Variants in GAS7 observed in about 807,000 individuals in gnomAD.
GAS7 encodes growth arrest specific 7, also known as growth arrest-specific protein 7.
In GAS7, 28 loss-of-function variants were observed where a neutral mutation model predicts 71.1. The observed-to-expected ratio is 0.39, with a 90% CI of 0.29 to 0.54. The LOEUF (loss-of-function observed/expected upper bound fraction) is 0.54, where lower values mean the gene tolerates loss of function less well. Ranked by LOEUF, GAS7 falls within the 20% of genes least tolerant of loss-of-function variation. The probability of loss-of-function intolerance (pLI) is 0.62; values close to 1 mark genes in which losing one functional copy is unlikely to be tolerated. For missense variants in GAS7, 436 were observed against 627.8 expected, an observed-to-expected ratio of 0.69 and a Z score of 3.27; for synonymous variants, 258 against 245.8, an observed-to-expected ratio of 1.05 and a Z score of -0.46.
intron 1 of GAS7, among the ~76,000 whole-genome samples, chr17:10,049,624 T>C (rs1042691041): frequency 3.5e-4 from 46 of 130,216 alleles, no homozygotes; most frequent in Non-Finnish European, 6.6e-4. Context: ...TTTTTTTTTT[T>C]TTTTTTTTTT....
Position 10,046,064 on chromosome 17 carries a change from C to T in GAS7, c.184-26167G>A, listed in dbSNP as rs893243587. 3.9e-5 allele frequency among the ~76,000 whole-genome samples: 6 copies of T among 152,312 alleles called. No individual in the cohort carries two copies. The East Asian group carries it at 1.2e-3, about 29-fold the overall frequency. The stretch of plus-strand genomic sequence containing the variant: ...GATCCTTAGTTGGAAACTCAGCACA[C>T]TTTGAGAAACACTGTCTCTGGCTAC... On this transcript the variant is annotated intron_variant, in intron 1 of 13. Coordinates refer to ENST00000432992, the MANE Select transcript of GAS7 (RefSeq NM_201433.2).
intron 2 of GAS7, among the ~76,000 whole-genome samples, chr17:9,982,542 C>CT (rs1283637532): frequency 6.6e-6 from 1 of 152,076 alleles, no homozygotes; most frequent in African/African-American, 2.4e-5. Context: ...TTTGGGAGGC[C>CT]TAGGTGGGCA....
At chr17:9,989,648 A>G (rs1290568128) in intron 2 of GAS7, among the ~76,000 whole-genome samples, 1 of 152,232 alleles carries the variant, frequency 6.6e-6, no homozygotes, top group Non-Finnish European at 1.5e-5. Context: ...ACTAAGGAGA[A>G]TAAAGCAAGG....
At chr17:9,987,295 C>T (rs1266178630) in intron 2 of GAS7, among the ~76,000 whole-genome samples, 5 of 152,230 alleles carry the variant, frequency 3.3e-5, no homozygotes, top group Non-Finnish European at 7.3e-5. Context: ...CCCACCCCAC[C>T]TAATTCACAC....
intron 5 of GAS7, among the ~76,000 whole-genome samples, chr17:9,949,514 G>A (rs1022571824): frequency 5.9e-5 from 9 of 152,072 alleles, no homozygotes; most frequent in Non-Finnish European, 1.3e-4. Flanking sequence ...TAAATCTAGC[G>A]CACACCCCCT....
intron 5 of GAS7, among the ~76,000 whole-genome samples, chr17:9,958,441 G>A (rs370496615): frequency 1.3e-5 from 2 of 152,362 alleles, no homozygotes; most frequent in African/African-American, 4.8e-5. Context: ...CCACAGGGGT[G>A]GTCGGAATGG....
At chr17:9,997,491 C>A (rs1420117129) in intron 2 of GAS7, among the ~76,000 whole-genome samples, 1 of 152,222 alleles carries the variant, frequency 6.6e-6, no homozygotes, top group African/African-American at 2.4e-5. Flanking sequence ...CTACTCTCTA[C>A]CCAACATCAC....
intron 1 of GAS7, among the ~76,000 whole-genome samples, chr17:10,060,373 A>C (rs1396116103): frequency 6.6e-6 from 1 of 152,168 alleles, no homozygotes; most frequent in Non-Finnish European, 1.5e-5. Flanking sequence ...CTTCAACCTC[A>C]TGACTCCGGG....
intron 1 of GAS7, among the ~76,000 whole-genome samples, chr17:10,170,516 T>C (rs969787996): frequency 1.3e-5 from 2 of 152,214 alleles, no homozygotes; most frequent in Admixed American, 1.3e-4. Context: ...GCTTACTCCA[T>C]CGTATCTTCC....
intron 2 of GAS7, among the ~76,000 whole-genome samples, chr17:9,989,081 C>CT (rs773303943): frequency 1.2e-4 from 19 of 152,228 alleles, no homozygotes; most frequent in Non-Finnish European, 2.2e-4. Context: ...GATCTCCTGA[C>CT]CTCATGATCC....
intron 4 of GAS7, among the ~76,000 whole-genome samples, chr17:9,965,068 A>C (rs2069650902): frequency 1.3e-5 from 2 of 152,222 alleles, no homozygotes; most frequent in Non-Finnish European, 1.5e-5. Flanking sequence ...ACTGGTGGGC[A>C]GGAAGGGAAG....
In GAS7 at chr17:9,974,215, G is replaced by A. The variant is rs1334037568; in HGVS notation, c.386-4453C>T. On this transcript the variant is annotated intron_variant, in intron 3 of 13. Coordinates refer to ENST00000432992, the MANE Select transcript of GAS7 (RefSeq NM_201433.2). This position sits in a 1 kb window ranked among gnomAD's most constrained non-coding sequence, Gnocchi z 4.0. ...CCATTCGACCCTTTCTCCCCACGTA[G>A]CAGCTCTCCTCGGACACCCTGTCTG... is the stretch of plus-strand genomic sequence containing the variant. Among the ~76,000 whole-genome samples, 1 of 152,170 alleles carries A rather than the reference G, an allele frequency of 6.6e-6. No homozygotes were observed. The highest frequency in any genetic ancestry group is 1.5e-5 in the Non-Finnish European group (1 of 68,026).
At chr17:9,917,421 C>T (rs1226860389) in intron 13 of GAS7, 80 bp from the exon 14 acceptor site, 16 of 1,040,908 alleles carry the variant, frequency 1.5e-5, no homozygotes, top group East Asian at 2.4e-5. Context: ...ATGCTGTCCT[C>T]ACCTTAGTGT....
intron 1 of GAS7, among the ~76,000 whole-genome samples, chr17:10,140,471 A>G (rs1567607637): frequency 6.6e-6 from 1 of 152,218 alleles, no homozygotes; most frequent in East Asian, 1.9e-4. Flanking sequence ...AAATAAGTCA[A>G]TAAATAAAAA....
intron 1 of GAS7, among the ~76,000 whole-genome samples, chr17:10,141,484 C>A (rs138805544): frequency 6.6e-6 from 1 of 152,166 alleles, no homozygotes; most frequent in Non-Finnish European, 1.5e-5. Flanking sequence ...GCCTGAGCAC[C>A]CCTGAAGAGA....
chr17:9,958,492 C>T (rs778356360), intron 5 of GAS7, among the ~76,000 whole-genome samples: 4 of 152,224 alleles, frequency 2.6e-5, no homozygotes, highest in African/African-American at 7.2e-5. Context: ...AGCAATACCC[C>T]GTTCCCTGCT....
chr17:9,956,539 G>A (rs1027279771), intron 5 of GAS7, among the ~76,000 whole-genome samples: 1 of 152,094 alleles, frequency 6.6e-6, no homozygotes, highest in Non-Finnish European at 1.5e-5. Flanking sequence ...GAGCTGCCAT[G>A]AGCACCCGTC....
chr17:9,971,417 T>C (rs370000206), intron 3 of GAS7, among the ~76,000 whole-genome samples: 81 of 151,940 alleles, frequency 5.3e-4, no homozygotes, highest in African/African-American at 1.9e-3. Context: ...ATTTTTAAAT[T>C]AGCTGGGTGT....
Position 10,103,224 on chromosome 17 carries a change from G to A in GAS7, c.184-83327C>T, listed in dbSNP as rs1472101784. Among the ~76,000 whole-genome samples, 2 of 151,936 alleles carry A rather than the reference G, an allele frequency of 1.3e-5. No homozygotes were observed. Among genetic ancestry groups the A allele is most frequent in the Non-Finnish European group, 2.9e-5 (2 of 67,984 alleles). On this transcript the variant is annotated intron_variant, in intron 1 of 13. Coordinates refer to ENST00000432992, the MANE Select transcript of GAS7 (RefSeq NM_201433.2). The surrounding 1 kb of genome is among the most constrained non-coding windows in gnomAD (Gnocchi z 5.5). ...CCAGGCGTGGTGGTGCACACTTGTG[G>A]TCCTAGCTACTCAGGAGGCTAAGGT...
Sources: allele counts gnomAD v4.1 joint callset (sites outside exome capture counted in the v4.1 genomes callset), GRCh38; gene constraint gnomAD v4.1.1; non-coding constraint Gnocchi (gnomAD v3.1); transcripts MANE v1.5; gene names NCBI Gene and HGNC (gene_info 2026-07-23, HGNC 2026-07-21).